Variants in ATRNL1 observed in about 807,000 individuals in gnomAD.
ATRNL1 encodes the protein attractin like 1, also known as attractin-like protein 1.
In ATRNL1, 95 loss-of-function variants were observed where a neutral mutation model predicts 182.7. That is an observed-to-expected ratio of 0.52 (90% confidence interval 0.44 to 0.62). ATRNL1 has a LOEUF of 0.62. Among genes scored for constraint, ATRNL1 ranks in the 20% least tolerant of loss-of-function variants. The pLI is 0.00. For missense variants in ATRNL1, 1,471 were observed against 1,679.5 expected, an observed-to-expected ratio of 0.88 and a Z score of 2.17; for synonymous variants, 576 against 568.3, an observed-to-expected ratio of 1.01 and a Z score of -0.19.
intron 15 of ATRNL1, among the ~76,000 whole-genome samples, chr10:115,292,953 T>A (rs1198818297): frequency 6.6e-6 from 1 of 152,188 alleles, no homozygotes; most frequent in East Asian, 1.9e-4. Context: ...GAGCATGGTG[T>A]TGAAGTCTCC....
chr10:115,554,235 G>A (rs1020785174), intron 26 of ATRNL1, among the ~76,000 whole-genome samples: 1 of 151,454 alleles, frequency 6.6e-6, no homozygotes, highest in Non-Finnish European at 1.5e-5. Flanking sequence ...CTTGTCATTT[G>A]CTTTTTATTG....
At chr10:115,358,311 G>A (rs1232228174) in intron 19 of ATRNL1, among the ~76,000 whole-genome samples, 8 of 151,464 alleles carry the variant, frequency 5.3e-5, no homozygotes, top group Non-Finnish European at 8.9e-5. Context: ...AATATTTGTT[G>A]CCTGCAAATT....
At chr10:115,564,171 A>G (rs1017206994) in intron 26 of ATRNL1, among the ~76,000 whole-genome samples, 2 of 152,008 alleles carry the variant, frequency 1.3e-5, no homozygotes, top group East Asian at 3.8e-4. Context: ...TTTAATTGTG[A>G]TATTTAGGTA....
At chr10:115,437,296 G>C (rs1371937458) in intron 21 of ATRNL1, among the ~76,000 whole-genome samples, 1 of 151,922 alleles carries the variant, frequency 6.6e-6, no homozygotes, top group Admixed American at 6.6e-5. Context: ...TGTAAGATAC[G>C]GTCTTTATCA....
chr10:115,347,190 GA>G (rs1336473818), intron 19 of ATRNL1, among the ~76,000 whole-genome samples: 1 of 152,130 alleles, frequency 6.6e-6, no homozygotes, highest in Non-Finnish European at 1.5e-5. Context: ...TAAAGGCAAT[GA>G]AAAATTAAAT....
At chr10:115,565,001 A>G (rs957278283) in intron 26 of ATRNL1, among the ~76,000 whole-genome samples, 12 of 152,022 alleles carry the variant, frequency 7.9e-5, no homozygotes, top group African/African-American at 2.9e-4. Context: ...CACATTTTGA[A>G]CACTTTATAT....
intron 18 of ATRNL1, among the ~76,000 whole-genome samples, chr10:115,318,588 A>T (rs1308181608): frequency 1.3e-5 from 2 of 151,926 alleles, no homozygotes; most frequent in African/African-American, 4.8e-5. Flanking sequence ...CTATTCAGGG[A>T]TTCAGCTTCT....
intron 27 of ATRNL1, among the ~76,000 whole-genome samples, chr10:115,796,791 G>A (rs936465060): frequency 2.6e-5 from 4 of 152,116 alleles, no homozygotes; most frequent in African/African-American, 7.2e-5. Flanking sequence ...TTTCATGGGG[G>A]CTAACCCTTC....
Position 115,215,843 on chromosome 10 carries a change from G to T in ATRNL1, c.1495G>T (p.Asp499Tyr). 1 of 1,585,154 alleles carries T rather than the reference G, an allele frequency of 6.3e-7. No homozygotes were observed. The highest frequency in any genetic ancestry group is 1.2e-5 in the South Asian group (1 of 84,488). Residue 499 changes from aspartate to tyrosine, a missense_variant, in exon 9 of 29, where the codon GAT becomes TAT. Asp to Tyr is a radical substitution (Grantham distance 160). Around this residue, in one of 3 missense-constraint regions of ATRNL1, gnomAD observed 1,031 missense variants for 1,156.0 expected, o/e 0.89. Coordinates refer to ENST00000355044, the MANE Select transcript of ATRNL1 (RefSeq NM_207303.4). Reference sequence around the variant, plus strand: ...GCCAGGGAACAAATATGGATTGGTTGATGATCTTTATAAATATGAAGTTAA... The same window carrying T: ...GCCAGGGAACAAATATGGATTGGTTTATGATCTTTATAAATATGAAGTTAA... ...ALPGNKYGLV[D>Y]DLYKYEVNTK...
chr10:115,413,855 G>T (rs1554960341), intron 20 of ATRNL1, among the ~76,000 whole-genome samples: 9 of 151,898 alleles, frequency 5.9e-5, no homozygotes, highest in Non-Finnish European at 1.3e-4. Flanking sequence ...GCTCTTTGAG[G>T]TATCTTTACT....
intron 26 of ATRNL1, among the ~76,000 whole-genome samples, chr10:115,575,335 A>G (rs1442036144): frequency 6.6e-6 from 1 of 152,168 alleles, no homozygotes; most frequent in African/African-American, 2.4e-5. Flanking sequence ...GCATTAAAGA[A>G]TGTTCATGTT....
chr10:115,882,322 G>GC (rs1231374043), intron 28 of ATRNL1, among the ~76,000 whole-genome samples: 1 of 152,142 alleles, frequency 6.6e-6, no homozygotes, highest in Non-Finnish European at 1.5e-5. Flanking sequence ...GGTCAGGTCT[G>GC]CCCCACTGAG....
intron 26 of ATRNL1, among the ~76,000 whole-genome samples, chr10:115,560,792 G>A (rs1554999259): frequency 1.3e-5 from 2 of 152,078 alleles, no homozygotes; most frequent in African/African-American, 2.4e-5. Flanking sequence ...GTGTGATATG[G>A]ACATAAGACT....
chr10:115,820,396 GCTCCAGAA>G (rs1371614120), intron 27 of ATRNL1: 1 of 152,086 alleles, frequency 6.6e-6, no homozygotes, highest in African/African-American at 2.4e-5. Flanking sequence ...TTACCTGTGT[GCTCCAGAA>G]CTGTAATGCT....
At chr10:115,123,254 T>C (rs1412964882) in intron 3 of ATRNL1, among the ~76,000 whole-genome samples, 2 of 152,214 alleles carry the variant, frequency 1.3e-5, no homozygotes, top group Admixed American at 6.5e-5. Flanking sequence ...AGCACTAGGC[T>C]AGGCAGTTTA....
chr10:115,584,370 A>G (rs1855356091), intron 26 of ATRNL1, among the ~76,000 whole-genome samples: 1 of 127,996 alleles, frequency 7.8e-6, no homozygotes, highest in African/African-American at 2.6e-5. Context: ...CTGTGAATCC[A>G]TCTGGTCCTA....
intron 15 of ATRNL1, among the ~76,000 whole-genome samples, chr10:115,294,832 C>T (rs1444609020): frequency 6.6e-6 from 1 of 151,898 alleles, no homozygotes. Flanking sequence ...AGCTATAATC[C>T]ACATTAGTGA....
intron 21 of ATRNL1, among the ~76,000 whole-genome samples, chr10:115,436,242 G>A (rs1174854541): frequency 2.0e-5 from 3 of 152,010 alleles, no homozygotes; most frequent in African/African-American, 7.2e-5. Context: ...CAGGATAATT[G>A]AAAGTTTAGT....
At chr10:115,638,137 C>T (rs1555028955) in intron 26 of ATRNL1, among the ~76,000 whole-genome samples, 2 of 151,884 alleles carry the variant, frequency 1.3e-5, no homozygotes, top group South Asian at 2.1e-4. Flanking sequence ...GATAAATGCC[C>T]TATATAGGTA....
Sources: gnomAD v4.1 joint callset for allele counts (sites outside exome capture counted in the v4.1 genomes callset) on GRCh38, gnomAD v4.1.1 for gene constraint, gnomAD v4.1.1 regional missense constraint, MANE v1.5 for transcripts, NCBI Gene and HGNC (gene_info 2026-07-23, HGNC 2026-07-21) for gene names.